The following PCDH15 variants were observed in gnomAD, a reference collection of about 807,000 sequenced individuals.
PCDH15 encodes protocadherin related 15.
A neutral mutation model predicts 178.5 loss-of-function variants in PCDH15; 129 were observed. The observed-to-expected ratio is 0.72, with a 90% CI of 0.63 to 0.84. PCDH15 has a LOEUF of 0.84. Ranked by LOEUF, PCDH15 falls within the 40% of genes least tolerant of loss-of-function variation. The pLI is 0.00. For synonymous variants in PCDH15, 800 were observed against 732.0 expected, an observed-to-expected ratio of 1.09 and a Z score of -1.50; for missense variants, 2,230 against 2,099.9, an observed-to-expected ratio of 1.06 and a Z score of -1.21.
chr10:55,460,061 T>A (rs544113711), intron 2 of PCDH15, among the ~76,000 whole-genome samples: 1 of 151,900 alleles, frequency 6.6e-6, no homozygotes, highest in Non-Finnish European at 1.5e-5. Context: ...AAAGTGATTG[T>A]GGAATGTGAA....
intron 2 of PCDH15, among the ~76,000 whole-genome samples, chr10:55,158,950 T>A (rs1221698733): frequency 6.7e-5 from 1 of 15,030 alleles, no homozygotes. Flanking sequence ...TGTTTTGCTG[T>A]TTGATGAAGC....
intron 15 of PCDH15, among the ~76,000 whole-genome samples, chr10:54,131,150 T>C (rs2042403695): frequency 6.6e-6 from 1 of 152,196 alleles, no homozygotes; most frequent in Admixed American, 6.5e-5. Flanking sequence ...GGTAGAATTA[T>C]TGAACTATAA....
intron 21 of PCDH15, among the ~76,000 whole-genome samples, chr10:53,989,591 TA>T (rs1455640728): frequency 4.6e-5 from 7 of 152,176 alleles, no homozygotes; most frequent in African/African-American, 1.4e-4. Context: ...AGGCTGGGAC[TA>T]TAGCATGTCA....
chr10:55,453,053 A>G (rs2132083091), intron 2 of PCDH15, among the ~76,000 whole-genome samples: 1 of 152,314 alleles, frequency 6.6e-6, no homozygotes, highest in South Asian at 2.1e-4. Context: ...ATACAAATAA[A>G]CTAAATACCT....
At chr10:55,197,737 T>TA (rs1226605878) in intron 1 of PCDH15, among the ~76,000 whole-genome samples, 4 of 152,124 alleles carry the variant, frequency 2.6e-5, no homozygotes, top group Non-Finnish European at 5.9e-5. Flanking sequence ...GGTAAGTACA[T>TA]TATCTTCTTG....
intron 2 of PCDH15, among the ~76,000 whole-genome samples, chr10:55,445,353 C>T (rs923491034): frequency 1.1e-4 from 17 of 152,120 alleles, no homozygotes; most frequent in African/African-American, 3.9e-4. Flanking sequence ...GGAAAAATAC[C>T]ATTCAACTCC....
intron 2 of PCDH15, among the ~76,000 whole-genome samples, chr10:54,592,075 T>C (rs936105944): frequency 2.6e-5 from 4 of 152,140 alleles, no homozygotes; most frequent in African/African-American, 7.2e-5. Flanking sequence ...GCATCTTACA[T>C]TTGTGAACAC....
chr10:53,991,971 AC>A (rs1243081143), intron 21 of PCDH15, among the ~76,000 whole-genome samples: 2 of 152,000 alleles, frequency 1.3e-5, no homozygotes, highest in Non-Finnish European at 2.9e-5. Context: ...GTCCCCTTCC[AC>A]CCTGTGGAAG....
chr10:54,538,089 T>C (rs1174374335), intron 2 of PCDH15, among the ~76,000 whole-genome samples: 1 of 152,212 alleles, frequency 6.6e-6, no homozygotes, highest in African/African-American at 2.4e-5. Flanking sequence ...TTAATAGTCT[T>C]TTCTGTCGGG....
chr10:54,081,261 G>A (rs2094433149), intron 16 of PCDH15, among the ~76,000 whole-genome samples: 1 of 151,580 alleles, frequency 6.6e-6, no homozygotes, highest in African/African-American at 2.4e-5. Context: ...GACAAGGAAT[G>A]GTTTCTTATA....
intron 2 of PCDH15, chr10:55,506,405 G>A (rs1030848919): frequency 3.3e-5 from 5 of 151,544 alleles, no homozygotes; most frequent in Non-Finnish European, 5.9e-5. Flanking sequence ...GGCTTCTCAC[G>A]TGTCTAAAGT....
At chr10:55,155,488 C>CAAAAAAAAAAA in intron 2 of PCDH15, among the ~76,000 whole-genome samples, 1 of 116,046 alleles carries the variant, frequency 8.6e-6, no homozygotes, top group Non-Finnish European at 1.7e-5. Flanking sequence ...GCAACCAATG[C>CAAAAAAAAAAA]AAAAAAAAAA....
intron 2 of PCDH15, among the ~76,000 whole-genome samples, chr10:54,921,000 T>G (rs1454750316): frequency 6.6e-6 from 1 of 152,220 alleles, no homozygotes; most frequent in Admixed American, 6.5e-5. Context: ...ATTCTTCTCA[T>G]GAGTGGGTCT....
intron 2 of PCDH15, among the ~76,000 whole-genome samples, chr10:55,085,858 A>C (rs1842155924): frequency 6.6e-6 from 1 of 151,750 alleles, no homozygotes. Context: ...AAAATTAGGT[A>C]ATTTCAATAT....
chr10:54,826,683 C>G (rs921794217), intron 3 of PCDH15, among the ~76,000 whole-genome samples: 1 of 151,986 alleles, frequency 6.6e-6, no homozygotes, highest in South Asian at 2.1e-4. Context: ...TTGTACCATA[C>G]AAATAACCTG....
At chr10:54,914,109 A>AT (rs1160503218) in intron 2 of PCDH15, among the ~76,000 whole-genome samples, 1 of 152,088 alleles carries the variant, frequency 6.6e-6, no homozygotes, top group Non-Finnish European at 1.5e-5. Context: ...AGGGTGTGAG[A>AT]TTTTAGAGAG....
At chr10:55,217,910 A>G (rs1840752704) in intron 1 of PCDH15, among the ~76,000 whole-genome samples, 1 of 151,982 alleles carries the variant, frequency 6.6e-6, no homozygotes, top group African/African-American at 2.4e-5. Context: ...GCTTTTTTGT[A>G]AACATAAGAA....
intron 1 of PCDH15, among the ~76,000 whole-genome samples, chr10:55,257,837 G>A (rs1036214001): frequency 6.6e-6 from 1 of 152,102 alleles, no homozygotes; most frequent in African/African-American, 2.4e-5. Flanking sequence ...AATCTAGCAA[G>A]GCAGGCCAAC....
chr10:54,697,092 A>C (rs1209898225), intron 1 of PCDH15, among the ~76,000 whole-genome samples: 1 of 151,988 alleles, frequency 6.6e-6, no homozygotes, highest in African/African-American at 2.4e-5. Flanking sequence ...ATTTTTGAAG[A>C]TATTATTGTT....
Sources: gnomAD v4.1 joint callset for allele counts (sites outside exome capture counted in the v4.1 genomes callset) on GRCh38, gnomAD v4.1.1 for gene constraint, MANE v1.5 for transcripts, NCBI Gene and HGNC (gene_info 2026-07-23, HGNC 2026-07-21) for gene names.